The following SYN3 variants were observed in gnomAD, a reference collection of about 807,000 sequenced individuals.
The protein encoded by SYN3 is synapsin-3.
A neutral mutation model predicts 65.8 loss-of-function variants in SYN3; 35 were observed. The ratio of observed to expected loss-of-function variants is 0.53; its 90% confidence interval spans 0.41 to 0.70. The LOEUF (loss-of-function observed/expected upper bound fraction) is 0.70. Among genes scored for constraint, SYN3 ranks in the 30% least tolerant of loss-of-function variants. The pLI is 0.00. For synonymous variants in SYN3, 270 were observed against 292.9 expected (o/e 0.92, Z 0.80); for missense variants, 680 against 749.0 (o/e 0.91, Z 1.08).
chr22:32,543,543 T>G (rs1227496422), intron 7 of SYN3, among the ~76,000 whole-genome samples: 1 of 152,162 alleles, frequency 6.6e-6, no homozygotes, highest in Non-Finnish European at 1.5e-5. Context: ...GTTCCCTATT[T>G]TCCAGCCCTT....
chr22:32,905,102 C>T (rs2049866030), intron 4 of SYN3, among the ~76,000 whole-genome samples: 3 of 152,036 alleles, frequency 2.0e-5, no homozygotes, highest in Admixed American at 2.0e-4. Context: ...CTTGCGAGCT[C>T]GAATTTGCTA....
At chr22:33,043,560 A>G (rs2054002682) in intron 1 of SYN3, among the ~76,000 whole-genome samples, 1 of 152,114 alleles carries the variant, frequency 6.6e-6, no homozygotes, top group African/African-American at 2.4e-5. Context: ...AAAAATAATA[A>G]TAATATAATA....
intron 6 of SYN3, among the ~76,000 whole-genome samples, chr22:32,702,583 C>T (rs192906109): frequency 5.9e-5 from 9 of 152,288 alleles, no homozygotes; most frequent in East Asian, 5.8e-4. Context: ...GAATTCTTTT[C>T]GTGTTACAAA....
rs1052305419 is a variant in SYN3, at chr22:32,523,968, C to T, written c.1318+3950G>A. Among the ~76,000 whole-genome samples, 5 of 152,210 alleles carry T rather than the reference C, an allele frequency of 3.3e-5. No individual in the cohort carries two copies. The South Asian group carries it at 6.2e-4, about 19-fold the overall frequency. ...GGTCTGGAAAGAAGATCAAACCAGA[C>T]GCAACATTGCCTTAAGCCAAAGCCT... On this transcript the variant is annotated intron_variant, in intron 12 of 13. Coordinates refer to ENST00000358763, the MANE Select transcript of SYN3 (RefSeq NM_003490.4).
chr22:32,717,927 T>C (rs2061061126), intron 6 of SYN3, among the ~76,000 whole-genome samples: 2 of 152,186 alleles, frequency 1.3e-5, no homozygotes, highest in South Asian at 4.1e-4. Context: ...CACGCAAGCA[T>C]GCATGTATCC....
intron 7 of SYN3, among the ~76,000 whole-genome samples, chr22:32,567,619 G>C (rs897447532): frequency 2.6e-5 from 4 of 152,128 alleles, no homozygotes; most frequent in African/African-American, 9.7e-5. Flanking sequence ...GAGCTGGCAT[G>C]GTCTACTGTG....
intron 6 of SYN3, among the ~76,000 whole-genome samples, chr22:32,653,272 A>G (rs2060098318): frequency 6.6e-6 from 1 of 152,156 alleles, no homozygotes. Flanking sequence ...AAAGAAAAAA[A>G]AAAAAAGGTA....
chr22:32,615,910 G>A (rs1020049916), intron 6 of SYN3, among the ~76,000 whole-genome samples: 1 of 152,226 alleles, frequency 6.6e-6, no homozygotes, highest in Non-Finnish European at 1.5e-5. Flanking sequence ...GGAATGCAAT[G>A]GGGGCGGAGT....
intron 7 of SYN3, among the ~76,000 whole-genome samples, chr22:32,544,533 C>A (rs1365278458): frequency 2.6e-5 from 4 of 152,248 alleles, no homozygotes; most frequent in Non-Finnish European, 5.9e-5. Flanking sequence ...CCATAGAATG[C>A]CTCTGGTCCT....
intron 6 of SYN3, among the ~76,000 whole-genome samples, chr22:32,768,343 TG>T (rs1217431438): frequency 6.6e-6 from 1 of 152,196 alleles, no homozygotes; most frequent in African/African-American, 2.4e-5. Context: ...CCCCTTTCTC[TG>T]CCTTCTTTGA....
intron 4 of SYN3, among the ~76,000 whole-genome samples, chr22:32,919,588 AGCCTGGCACTCG>A (rs2050283131): frequency 6.6e-6 from 1 of 152,220 alleles, no homozygotes; most frequent in African/African-American, 2.4e-5. Context: ...TGTTTGCTGG[AGCCTGGCACTCG>A]AAATTTGCCT....
At chr22:32,952,615 G>T (rs542158049) in intron 3 of SYN3, among the ~76,000 whole-genome samples, 1 of 152,022 alleles carries the variant, frequency 6.6e-6, no homozygotes, top group Non-Finnish European at 1.5e-5. Flanking sequence ...AATCAGCCAG[G>T]TGTGGTGGTG....
At position 32,930,332 on chromosome 22, in the gene SYN3, C is replaced by T. The variant is rs755473738; in HGVS notation, c.461+1058G>A. 7.9e-5 allele frequency among the ~76,000 whole-genome samples: 12 copies of T among 152,166 alleles called. No individual in the cohort carries two copies. The East Asian group carries it at 9.6e-4, about 12-fold the overall frequency. On this transcript the variant is annotated intron_variant, in intron 4 of 13. Coordinates refer to ENST00000358763, the MANE Select transcript of SYN3 (RefSeq NM_003490.4). ...AGGGGAGTTTCCCTGCACAGGCTCT[C>T]GTTCTCTCTTGTCTGCCATCAGGTA...
chr22:33,054,639 T>C (rs1456102579), intron 1 of SYN3, among the ~76,000 whole-genome samples: 1 of 152,240 alleles, frequency 6.6e-6, no homozygotes, highest in Admixed American at 6.5e-5. Flanking sequence ...TTCTGGATGC[T>C]TCACATAAAG....
At chr22:32,646,780 G>A (rs2059990121) in intron 6 of SYN3, among the ~76,000 whole-genome samples, 1 of 152,192 alleles carries the variant, frequency 6.6e-6, no homozygotes, top group Admixed American at 6.5e-5. Context: ...AAAGAATGGA[G>A]GCAGATATTG....
intron 1 of SYN3, among the ~76,000 whole-genome samples, chr22:33,032,352 A>G (rs1184731361): frequency 2.0e-5 from 3 of 152,298 alleles, no homozygotes; most frequent in African/African-American, 7.2e-5. Flanking sequence ...TACTAAAAAT[A>G]CAAAAATTAG....
intron 1 of SYN3, among the ~76,000 whole-genome samples, chr22:33,031,405 C>A (rs754391944): frequency 6.6e-6 from 1 of 152,118 alleles, no homozygotes; most frequent in Non-Finnish European, 1.5e-5. Context: ...ACCACCAACC[C>A]TTATCTTTAA....
chr22:32,931,487 G>A lies in SYN3; in HGVS notation c.370-6C>T. ...TTCAACTCTGAGAATTCAGCCTGAA[G>A]AATAAAGCAAAGCAAAAAAGGATTC... is the stretch of plus-strand genomic sequence containing the variant. On this transcript the variant is annotated splice_polypyrimidine_tract_variant and splice_region_variant and intron_variant, in intron 3 of 13. Transcript: ENST00000358763. The A allele has an allele frequency of 1.2e-6, 2 of 1,608,602 alleles. No individual in the cohort carries two copies. The highest frequency in any genetic ancestry group is 1.7e-6 in the Non-Finnish European group (2 of 1,175,070).
intron 6 of SYN3, among the ~76,000 whole-genome samples, chr22:32,694,042 A>T (rs2060702922): frequency 6.7e-6 from 1 of 150,110 alleles, no homozygotes; most frequent in Non-Finnish European, 1.5e-5. Flanking sequence ...ATATTTTTGA[A>T]GTTTCTGTTT....
Sources: gnomAD v4.1 joint callset for allele counts (sites outside exome capture counted in the v4.1 genomes callset) on GRCh38, gnomAD v4.1.1 for gene constraint, MANE v1.5 for transcripts, NCBI Gene and HGNC (gene_info 2026-07-23, HGNC 2026-07-21) for gene names.